The following TAFA4 variants were observed in gnomAD, a reference collection of about 807,000 sequenced individuals.
TAFA4 encodes the protein chemokine-like protein TAFA-4.
A neutral mutation model predicts 21.1 loss-of-function variants in TAFA4; 20 were observed. The observed-to-expected ratio is 0.95, with a 90% CI of 0.67 to 1.38. The LOEUF is 1.38. TAFA4 is among the 40% of genes most tolerant of loss of function. The probability of loss-of-function intolerance (pLI) is 0.00; values close to 1 mark genes in which losing one functional copy is unlikely to be tolerated. For missense variants in TAFA4, 211 were observed against 180.9 expected, an observed-to-expected ratio of 1.17 and a Z score of -0.95; for synonymous variants, 71 against 67.4, an observed-to-expected ratio of 1.05 and a Z score of -0.26.
chr3:68,747,527 G>A (rs113355877), intron 4 of TAFA4, among the ~76,000 whole-genome samples: 38 of 152,082 alleles, frequency 2.5e-4, no homozygotes, highest in African/African-American at 7.2e-5. Context: ...CTTACACCAC[G>A]ATGGTGAGGC....
chr3:68,855,599 T>C (rs1282430967), intron 3 of TAFA4, among the ~76,000 whole-genome samples: 2 of 151,972 alleles, frequency 1.3e-5, no homozygotes, highest in Non-Finnish European at 2.9e-5. Context: ...GACAAACTGA[T>C]AAGTAGGGGG....
intron 3 of TAFA4, among the ~76,000 whole-genome samples, chr3:68,773,832 G>A (rs1323309458): frequency 1.3e-5 from 2 of 152,116 alleles, no homozygotes; most frequent in Non-Finnish European, 2.9e-5. Flanking sequence ...GAAGACATGA[G>A]AAGGACAGGG....
At chr3:68,750,152 C>G (rs1702534519) in intron 4 of TAFA4, among the ~76,000 whole-genome samples, 1 of 152,102 alleles carries the variant, frequency 6.6e-6, no homozygotes, top group Non-Finnish European at 1.5e-5. Flanking sequence ...GGAATGGTGG[C>G]CAGGTGTAAT....
At chr3:68,869,241 C>A (rs1399803068) in intron 3 of TAFA4, among the ~76,000 whole-genome samples, 1 of 151,960 alleles carries the variant, frequency 6.6e-6, no homozygotes, top group Non-Finnish European at 1.5e-5. Context: ...AAGAAAAGCC[C>A]AGGACATGAT....
At chr3:68,770,162 G>C (rs1158562010) in intron 3 of TAFA4, among the ~76,000 whole-genome samples, 1 of 152,122 alleles carries the variant, frequency 6.6e-6, no homozygotes, top group East Asian at 1.9e-4. Flanking sequence ...TGGGTTGTGG[G>C]TTCATTTTTG....
chr3:68,771,413 C>T (rs1702954647), intron 3 of TAFA4, among the ~76,000 whole-genome samples: 1 of 152,180 alleles, frequency 6.6e-6, no homozygotes, highest in African/African-American at 2.4e-5. Context: ...AAAAAGTGCT[C>T]CCCATGGCCT....
At chr3:68,864,779 C>T (rs966102035) in intron 3 of TAFA4, among the ~76,000 whole-genome samples, 1 of 152,002 alleles carries the variant, frequency 6.6e-6, no homozygotes, top group Admixed American at 6.6e-5. Flanking sequence ...TGTGTGTCAA[C>T]TTAAAATGTT....
intron 1 of TAFA4, among the ~76,000 whole-genome samples, chr3:68,907,240 A>G (rs1319554360): frequency 6.6e-6 from 1 of 152,142 alleles, no homozygotes; most frequent in African/African-American, 2.4e-5. Flanking sequence ...AGCCACAGAA[A>G]TTAATGCTTG....
intron 4 of TAFA4, among the ~76,000 whole-genome samples, chr3:68,743,246 C>G (rs1310902857): frequency 2.0e-5 from 3 of 152,076 alleles, no homozygotes; most frequent in Admixed American, 6.5e-5. Flanking sequence ...TGCCACTAAA[C>G]TGGGATGGAT....
At chr3:68,868,580 GA>G (rs1553649357) in intron 3 of TAFA4, among the ~76,000 whole-genome samples, 1 of 151,828 alleles carries the variant, frequency 6.6e-6, no homozygotes, top group Non-Finnish European at 1.5e-5. Context: ...AATAAACGTA[GA>G]AATCAGTAAT....
At chr3:68,744,925 G>A (rs1000690381) in intron 4 of TAFA4, among the ~76,000 whole-genome samples, 3 of 152,160 alleles carry the variant, frequency 2.0e-5, no homozygotes, top group African/African-American at 7.2e-5. Flanking sequence ...ATGTAAAGGA[G>A]TCCTATTTGC....
At chr3:68,860,011 G>C (rs1388090689) in intron 3 of TAFA4, among the ~76,000 whole-genome samples, 3 of 152,196 alleles carry the variant, frequency 2.0e-5, no homozygotes, top group East Asian at 1.9e-4. Flanking sequence ...TCTTAGACTG[G>C]GGAGTTGGCC....
intron 3 of TAFA4, among the ~76,000 whole-genome samples, chr3:68,786,856 T>G (rs1703271574): frequency 6.6e-6 from 1 of 152,160 alleles, no homozygotes; most frequent in Non-Finnish European, 1.5e-5. Context: ...AAATTTTAAT[T>G]TACTGGGGAA....
intron 1 of TAFA4, among the ~76,000 whole-genome samples, chr3:68,919,166 C>T (rs1218810091): frequency 6.6e-6 from 1 of 152,186 alleles, no homozygotes; most frequent in Non-Finnish European, 1.5e-5. Context: ...AAGAAAACAG[C>T]AGCGCCCAAG....
intron 1 of TAFA4, among the ~76,000 whole-genome samples, chr3:68,927,028 A>G (rs1044451978): frequency 6.6e-6 from 1 of 152,290 alleles, no homozygotes; most frequent in Admixed American, 6.5e-5. Context: ...GCTCTCCCAT[A>G]CCATCCTGCC....
chr3:68,751,443 G>A (rs1702555734), intron 4 of TAFA4, among the ~76,000 whole-genome samples: 1 of 152,160 alleles, frequency 6.6e-6, no homozygotes, highest in Non-Finnish European at 1.5e-5. Context: ...TGATTTGAGA[G>A]ACAGCCAGCA....
rs1317553978 is a variant in TAFA4, at chr3:68,821,426, A to C, written c.130+59304T>G. 1.2e-4 allele frequency among the ~76,000 whole-genome samples: 2 copies of C among 17,268 alleles called. 1 individual carries two copies. The highest frequency in any genetic ancestry group is 0.012 in the South Asian group (2 of 172). The allele number at this position is 17,268 out of a possible 152,430, so 11.3% of individuals were successfully genotyped here. On this transcript the variant is annotated intron_variant, in intron 3 of 5. Coordinates refer to ENST00000295569, the MANE Select transcript of TAFA4 (RefSeq NM_182522.5). Reference sequence around the variant, plus strand: ...CAGTGGCGCAATCTCGGCTCACTGCAGGCTCCACCCCCTGGGGTTCACGCC... The same window carrying C: ...CAGTGGCGCAATCTCGGCTCACTGCCGGCTCCACCCCCTGGGGTTCACGCC...
intron 1 of TAFA4, among the ~76,000 whole-genome samples, chr3:68,900,720 G>T (rs2089837111): frequency 6.6e-6 from 1 of 152,146 alleles, no homozygotes; most frequent in Non-Finnish European, 1.5e-5. Flanking sequence ...CAAGTTCAAA[G>T]CACTCAACAA....
At chr3:68,798,456 T>C (rs906394364) in intron 3 of TAFA4, among the ~76,000 whole-genome samples, 3 of 152,182 alleles carry the variant, frequency 2.0e-5, no homozygotes, top group African/African-American at 7.2e-5. Context: ...AAGTAATAAG[T>C]AGAACCCTAT....
Sources: gnomAD v4.1 joint callset for allele counts (sites outside exome capture counted in the v4.1 genomes callset) on GRCh38, gnomAD v4.1.1 for gene constraint, MANE v1.5 for transcripts, NCBI Gene and HGNC (gene_info 2026-07-23, HGNC 2026-07-21) for gene names.